RRAS2: variants seen among roughly 807,000 people sequenced by gnomAD.
RRAS2 encodes ras-related protein R-Ras2.
Under a neutral mutation model 27.6 loss-of-function variants are expected in RRAS2, and 7 were observed. That is an observed-to-expected ratio of 0.25 (90% CI 0.14 to 0.48). The LOEUF (loss-of-function observed/expected upper bound fraction) is 0.48, where lower values mean the gene tolerates loss of function less well. RRAS2 is among the 20% of genes least tolerant of loss of function. RRAS2 has a pLI of 0.99. For synonymous variants in RRAS2, 86 were observed against 90.9 expected, an observed-to-expected ratio of 0.95 and a Z score of 0.31; for missense variants, 178 against 256.2, an observed-to-expected ratio of 0.69 and a Z score of 2.08.
In RRAS2 at chr11:14,294,741, A is replaced by G. The variant is rs80247388; in HGVS notation, c.299+19T>C. On this transcript the variant is annotated intron_variant, in intron 3 of 5. Transcript: ENST00000256196. ...ATCTTGACAAGAACAGTGGATCTAC[A>G]TTCTAATATGGTACAAACCTGCCTC... The G allele has an allele frequency of 2.2e-3, 3,509 of 1,604,914 alleles. 54 individuals carry two copies. The African/African-American group carries it at 0.037, about 17-fold the overall frequency.
At chr11:14,362,925 A>G (rs912334222), upstream of RRAS2, among the ~76,000 whole-genome samples, 5 of 152,238 alleles carry the variant, frequency 3.3e-5, no homozygotes, top group Non-Finnish European at 7.3e-5. Context: ...TTGTTTGGCT[A>G]AAGTGTTGTC....
chr11:14,290,700 C>T (rs1438384034), intron 4 of RRAS2, among the ~76,000 whole-genome samples: 6 of 152,154 alleles, frequency 3.9e-5, no homozygotes, highest in Non-Finnish European at 8.8e-5. Context: ...AGTGATCAAC[C>T]ATGTCAAATG....
At chr11:14,315,655 G>A (rs1848084959) in intron 1 of RRAS2, among the ~76,000 whole-genome samples, 1 of 152,066 alleles carries the variant, frequency 6.6e-6, no homozygotes, top group African/African-American at 2.4e-5. Context: ...AACAATAGAG[G>A]AACTAGGTGA....
intron 1 of RRAS2, among the ~76,000 whole-genome samples, chr11:14,315,179 A>G (rs1318911187): frequency 6.6e-6 from 1 of 152,220 alleles, no homozygotes; most frequent in Non-Finnish European, 1.5e-5. Flanking sequence ...ACAATATGGA[A>G]AAGGGTTGGG....
chr11:14,359,035 G>T lies in RRAS2; in HGVS notation c.-165C>A, dbSNP rs1554955896. The T allele has an allele frequency of 1.7e-5, 19 of 1,122,698 alleles. No individual in the cohort carries two copies. Among genetic ancestry groups the T allele is most frequent in the Non-Finnish European group, 2.1e-5 (19 of 918,880 alleles). 69.5% of individuals were successfully genotyped at this position (1,122,698 alleles called of 1,614,324 possible). On this transcript the variant is annotated 5_prime_UTR_variant, in exon 1 of 6. Coordinates refer to ENST00000256196, the MANE Select transcript of RRAS2 (RefSeq NM_012250.6). The stretch of plus-strand genomic sequence containing the variant: ...GGGCCGGTCAGCGCGGTAGCGCGGC[G>T]CTGGGGACTGGCTGGGTACCGCCCG...
intron 5 of RRAS2, among the ~76,000 whole-genome samples, chr11:14,280,986 GC>G (rs1464832540): frequency 1.3e-5 from 2 of 151,976 alleles, no homozygotes; most frequent in East Asian, 3.9e-4. Flanking sequence ...AAACCAAAAG[GC>G]CCCCTATGGC....
chr11:14,292,697 G>C (rs538198472), intron 4 of RRAS2, among the ~76,000 whole-genome samples: 34 of 152,082 alleles, frequency 2.2e-4, no homozygotes, highest in Non-Finnish European at 4.3e-4. Flanking sequence ...TTGAAATGAA[G>C]AACAAATTTT....
intron 1 of RRAS2, among the ~76,000 whole-genome samples, chr11:14,324,427 CAAAAA>C (rs77185501): frequency 4.4e-5 from 4 of 90,506 alleles, no homozygotes; most frequent in African/African-American, 1.2e-4. Flanking sequence ...AAACAGAGGC[CAAAAA>C]AAAAAAAAAA....
chr11:14,350,794 C>T (rs563883396), intron 1 of RRAS2, among the ~76,000 whole-genome samples: 16 of 152,264 alleles, frequency 1.1e-4, no homozygotes, highest in South Asian at 6.2e-4. Context: ...GCATGCCACT[C>T]GCAGGCTGAG....
intron 1 of RRAS2, among the ~76,000 whole-genome samples, chr11:14,313,741 G>C (rs1554949151): frequency 6.6e-6 from 1 of 152,180 alleles, no homozygotes; most frequent in African/African-American, 2.4e-5. Context: ...CCAGAAGCCA[G>C]GACAGAGGCA....
chr11:14,315,599 G>A (rs1564967547), intron 1 of RRAS2, among the ~76,000 whole-genome samples: 1 of 152,154 alleles, frequency 6.6e-6, no homozygotes, highest in Non-Finnish European at 1.5e-5. Context: ...TAATAATAAT[G>A]TATCCACATT....
chr11:14,364,058 G>A (rs958459531), upstream of RRAS2, among the ~76,000 whole-genome samples: 18 of 152,156 alleles, frequency 1.2e-4, no homozygotes, highest in African/African-American at 4.1e-4. Context: ...CAACAAGAGC[G>A]AAACTCTGTC....
intron 1 of RRAS2, chr11:14,356,600 CAG>C (rs1427456590): frequency 3.9e-6 from 1 of 256,246 alleles, no homozygotes. Context: ...CGATAAATGA[CAG>C]AGCTTTAAAA....
intron 1 of RRAS2, among the ~76,000 whole-genome samples, chr11:14,307,021 T>C (rs1847846012): frequency 1.3e-5 from 2 of 151,602 alleles, no homozygotes; most frequent in African/African-American, 4.8e-5. Flanking sequence ...TGAAACCCAG[T>C]GTCTACCCAA....
intron 1 of RRAS2, among the ~76,000 whole-genome samples, chr11:14,327,407 A>G (rs555719862): frequency 5.3e-5 from 8 of 152,334 alleles, no homozygotes; most frequent in African/African-American, 1.2e-4. Flanking sequence ...AAATCTTTCT[A>G]CTTACACATT....
intron 1 of RRAS2, among the ~76,000 whole-genome samples, chr11:14,304,740 A>G (rs1286970969): frequency 1.3e-5 from 2 of 152,216 alleles, no homozygotes; most frequent in Non-Finnish European, 2.9e-5. Flanking sequence ...CTAAAACAAG[A>G]GCAGAGCAAA....
At chr11:14,343,793 C>T (rs1010427153) in intron 1 of RRAS2, among the ~76,000 whole-genome samples, 4 of 151,848 alleles carry the variant, frequency 2.6e-5, no homozygotes, top group Admixed American at 6.6e-5. Flanking sequence ...GAGATCGCGC[C>T]AATGCACTCC....
chr11:14,313,084 A>G (rs1848013510), intron 1 of RRAS2, among the ~76,000 whole-genome samples: 1 of 152,268 alleles, frequency 6.6e-6, no homozygotes, highest in Admixed American at 6.5e-5. Context: ...GTCGCTAGGG[A>G]TAATTTTAAA....
At chr11:14,313,157 ATACCCAAG>A (rs1439604906) in intron 1 of RRAS2, among the ~76,000 whole-genome samples, 1 of 152,256 alleles carries the variant, frequency 6.6e-6, no homozygotes, top group Non-Finnish European at 1.5e-5. Flanking sequence ...TCTTATAAAA[ATACCCAAG>A]TACGTAGGTT....
Sources: allele counts gnomAD v4.1 joint callset (sites outside exome capture counted in the v4.1 genomes callset), GRCh38; gene constraint gnomAD v4.1.1; transcripts MANE v1.5; gene names NCBI Gene and HGNC (gene_info 2026-07-23, HGNC 2026-07-21).